The following RALGAPA1 variants were observed in gnomAD, a reference collection of about 807,000 sequenced individuals.
RALGAPA1 encodes Ral GTPase activating protein catalytic subunit alpha 1.
Under a neutral mutation model 269.6 loss-of-function variants are expected in RALGAPA1, and 52 were observed. The ratio of observed to expected loss-of-function variants is 0.19; its 90% CI spans 0.15 to 0.24. The LOEUF (loss-of-function observed/expected upper bound fraction) is 0.24. RALGAPA1 is among the 10% of genes least tolerant of loss of function. The pLI is 1.00. For synonymous variants in RALGAPA1, 817 were observed against 1,008.3 expected (o/e 0.81, Z 3.60); for missense variants, 1,917 against 3,013.9 (o/e 0.64, Z 8.52).
intron 10 of RALGAPA1, among the ~76,000 whole-genome samples, chr14:35,746,880 T>C (rs778278244): frequency 1.3e-5 from 2 of 149,914 alleles, no homozygotes; most frequent in African/African-American, 4.9e-5. Flanking sequence ...TTAAAACTTA[T>C]ACGATAACCA....
chr14:35,609,055 T>C (rs915565382), intron 35 of RALGAPA1, among the ~76,000 whole-genome samples: 6 of 151,752 alleles, frequency 4.0e-5, no homozygotes, highest in Admixed American at 2.6e-4. Context: ...TGTAACCCCG[T>C]CTCTACTAAA....
At chr14:35,794,712 T>C (rs1425250679) in intron 1 of RALGAPA1, among the ~76,000 whole-genome samples, 1 of 152,180 alleles carries the variant, frequency 6.6e-6, no homozygotes, top group African/African-American at 2.4e-5. Context: ...CACCTCGGCC[T>C]CCCAAAGTGC....
intron 1 of RALGAPA1, among the ~76,000 whole-genome samples, chr14:35,785,237 T>C (rs1292968111): frequency 1.3e-5 from 2 of 152,228 alleles, no homozygotes; most frequent in Admixed American, 6.5e-5. Flanking sequence ...CATTAAGTTT[T>C]TGCACAATGC....
intron 4 of RALGAPA1, among the ~76,000 whole-genome samples, chr14:35,769,872 CTATT>C (rs2074484428): frequency 6.6e-6 from 1 of 152,120 alleles, no homozygotes; most frequent in Non-Finnish European, 1.5e-5. Context: ...ATTTTATCAA[CTATT>C]TAAAGAAGAA....
At chr14:35,687,209 C>A (rs2066016137) in intron 18 of RALGAPA1, among the ~76,000 whole-genome samples, 1 of 151,812 alleles carries the variant, frequency 6.6e-6, no homozygotes, top group Non-Finnish European at 1.5e-5. Context: ...TTTTTCTTAC[C>A]AAAAAAACCC....
At chr14:35,584,084 T>C (rs1451302684) in intron 37 of RALGAPA1, among the ~76,000 whole-genome samples, 1 of 152,054 alleles carries the variant, frequency 6.6e-6, no homozygotes, top group Non-Finnish European at 1.5e-5. Context: ...TCATAATTGG[T>C]TTAACAGAAT....
At chr14:35,564,400 A>G (rs2056531735) in intron 39 of RALGAPA1, 1 of 152,240 alleles carries the variant, frequency 6.6e-6, no homozygotes, top group Admixed American at 6.5e-5. Context: ...TATTATAACG[A>G]AAGGCAACTG....
At chr14:35,765,950 TA>T (rs958857236) in intron 4 of RALGAPA1, 25 of 1,368,684 alleles carry the variant, frequency 1.8e-5, no homozygotes, top group Non-Finnish European at 2.6e-5. Flanking sequence ...TTGGACCAGT[TA>T]AAAACCCCTG....
In RALGAPA1 at chr14:35,609,911, C is replaced by T. The variant is rs142972881; in HGVS notation, c.6930-4202G>A. 4.6e-3 allele frequency among the ~76,000 whole-genome samples: 656 copies of T among 142,228 alleles called. 6 individuals carry two copies. Among genetic ancestry groups the T allele is most frequent in the Middle Eastern group, 0.025 (7 of 276 alleles). 93.3% of individuals were successfully genotyped at this position (142,228 alleles called of 152,430 possible). A position where few individuals can be genotyped will look rare whatever the true frequency, so the allele number is the denominator to read the frequency against. ...CCACTGCACTCCAGCCTGGGTGACACGGTGAGACCCTGTCTCCAAAAAAAA... is the reference window on the plus strand; with the variant it reads ...CCACTGCACTCCAGCCTGGGTGACATGGTGAGACCCTGTCTCCAAAAAAAA... On this transcript the variant is annotated intron_variant, in intron 35 of 41. Coordinates refer to ENST00000680220, the MANE Select transcript of RALGAPA1 (RefSeq NM_001346249.2).
At position 35,595,511 on chromosome 14, in the gene RALGAPA1, G is replaced by C. The variant is rs936387928; in HGVS notation, c.7209+123C>G. On this transcript the variant is annotated intron_variant, in intron 37 of 41. Transcript: ENST00000680220. Reference sequence around the variant, plus strand: ...CCACCCTATTTTCAAGACAGCACTGGGTGGAGTGGTGTACTACAACCAGAA... The same window carrying C: ...CCACCCTATTTTCAAGACAGCACTGCGTGGAGTGGTGTACTACAACCAGAA... The C allele has an allele frequency of 7.3e-6, 6 of 820,208 alleles. No homozygotes were observed. The African/African-American group carries it at 8.6e-5, about 12-fold the overall frequency. 50.8% of individuals were successfully genotyped at this position (820,208 alleles called of 1,614,324 possible).
intron 35 of RALGAPA1, among the ~76,000 whole-genome samples, chr14:35,616,673 T>C (rs1192277649): frequency 6.6e-6 from 1 of 152,192 alleles, no homozygotes; most frequent in Non-Finnish European, 1.5e-5. Flanking sequence ...ATCAGTTCTT[T>C]TGTAAATCGA....
chr14:35,775,901 G>C (rs993332307), intron 1 of RALGAPA1, among the ~76,000 whole-genome samples, 156 bp from the exon 2 acceptor site: 5 of 151,836 alleles, frequency 3.3e-5, no homozygotes, highest in African/African-American at 1.2e-4. Flanking sequence ...CTATATCCTC[G>C]TTCTTAAAAC....
chr14:35,753,603 T>C (rs761339926), intron 7 of RALGAPA1, among the ~76,000 whole-genome samples: 11 of 152,212 alleles, frequency 7.2e-5, no homozygotes, highest in Non-Finnish European at 1.5e-4. Flanking sequence ...CTACATATTG[T>C]ATGATCCTAT....
intron 16 of RALGAPA1, among the ~76,000 whole-genome samples, chr14:35,719,727 GAC>G (rs2069193358): frequency 1.3e-5 from 2 of 152,000 alleles, no homozygotes; most frequent in South Asian, 4.2e-4. Flanking sequence ...TAAAAATTTA[GAC>G]TTAAAAGAAC....
At chr14:35,752,864 G>T (rs1308441141) in intron 7 of RALGAPA1, among the ~76,000 whole-genome samples, 1 of 152,090 alleles carries the variant, frequency 6.6e-6, no homozygotes, top group African/African-American at 2.4e-5. Context: ...TATATACTAA[G>T]AATAATATGA....
intron 28 of RALGAPA1, among the ~76,000 whole-genome samples, chr14:35,657,441 C>A (rs1340307484): frequency 1.3e-5 from 2 of 151,846 alleles, no homozygotes; most frequent in African/African-American, 2.4e-5. Flanking sequence ...CCACTCTCCT[C>A]GGCCTCCCAA....
chr14:35,588,419 T>C (rs2058443416), intron 37 of RALGAPA1, among the ~76,000 whole-genome samples: 1 of 152,224 alleles, frequency 6.6e-6, no homozygotes, highest in Admixed American at 6.5e-5. Context: ...GCCATATAAT[T>C]AGCAAGTTTA....
intron 1 of RALGAPA1, among the ~76,000 whole-genome samples, chr14:35,782,768 A>G (rs1275002554): frequency 6.6e-6 from 1 of 152,076 alleles, no homozygotes; most frequent in Admixed American, 6.6e-5. Flanking sequence ...TTTTGCAAAA[A>G]CTGACAAGCT....
intron 39 of RALGAPA1, among the ~76,000 whole-genome samples, chr14:35,549,725 A>G (rs1047649303): frequency 1.3e-5 from 2 of 152,122 alleles, no homozygotes; most frequent in African/African-American, 4.8e-5. Context: ...ATTCCTACAT[A>G]TCTTCTTCTT....
Sources: allele counts gnomAD v4.1 joint callset (sites outside exome capture counted in the v4.1 genomes callset), GRCh38; gene constraint gnomAD v4.1.1; transcripts MANE v1.5; gene names NCBI Gene and HGNC (gene_info 2026-07-23, HGNC 2026-07-21).